The following KCNH8 variants were observed in gnomAD, a reference collection of about 807,000 sequenced individuals.
The protein encoded by KCNH8 is potassium voltage-gated channel subfamily H member 8, also known as voltage-gated delayed rectifier potassium channel KCNH8.
A neutral mutation model predicts 103.6 loss-of-function variants in KCNH8; 70 were observed. The ratio of observed to expected loss-of-function variants is 0.68; its 90% CI spans 0.56 to 0.82. KCNH8 has a LOEUF of 0.82. Among genes scored for constraint, KCNH8 ranks in the 40% least tolerant of loss-of-function variants. KCNH8 has a pLI of 0.00. For synonymous variants in KCNH8, 498 were observed against 489.4 expected (o/e 1.02, Z -0.23); for missense variants, 1,217 against 1,329.9 (o/e 0.92, Z 1.32).
At chr3:19,266,326 A>T (rs1447031916) in intron 2 of KCNH8, among the ~76,000 whole-genome samples, 1 of 152,014 alleles carries the variant, frequency 6.6e-6, no homozygotes. Context: ...TTTGTTTTTT[A>T]AAAAATCTTC....
intron 11 of KCNH8, among the ~76,000 whole-genome samples, chr3:19,504,736 A>G (rs1449629611): frequency 6.6e-6 from 1 of 152,178 alleles, no homozygotes; most frequent in East Asian, 1.9e-4. Flanking sequence ...GGGAGTGTAA[A>G]TTAGTTCAAC....
chr3:19,421,342 T>G (rs980973337), intron 7 of KCNH8, among the ~76,000 whole-genome samples: 39 of 152,216 alleles, frequency 2.6e-4, no homozygotes, highest in African/African-American at 8.7e-4. Flanking sequence ...TTTAAGATGT[T>G]TTTGTCTTCA....
intron 1 of KCNH8, among the ~76,000 whole-genome samples, chr3:19,155,379 C>G (rs1047861106): frequency 6.6e-6 from 1 of 152,146 alleles, no homozygotes; most frequent in African/African-American, 2.4e-5. Context: ...TTTTTCTTAT[C>G]TCTACAATTG....
intron 14 of KCNH8, among the ~76,000 whole-genome samples, chr3:19,517,203 G>A (rs767405668): frequency 1.3e-5 from 2 of 151,994 alleles, no homozygotes; most frequent in African/African-American, 4.8e-5. Context: ...CTCTAAAAGA[G>A]GGCTGGCCTA....
At chr3:19,464,060 C>T (rs1181271277) in intron 11 of KCNH8, among the ~76,000 whole-genome samples, 1 of 152,060 alleles carries the variant, frequency 6.6e-6, no homozygotes, top group Non-Finnish European at 1.5e-5. Context: ...ACTTTCTGTA[C>T]ATTGAAATAC....
At position 19,272,515 on chromosome 3, in the gene KCNH8, C is replaced by G. The variant is rs554198193; in HGVS notation, c.311-8683C>G. Reference sequence around the variant, plus strand: ...CAGGGTTGCTAAGACAGGTCTGTTCCTAGGAAATGAGGAACTGCTTAGAAC... The same window carrying G: ...CAGGGTTGCTAAGACAGGTCTGTTCGTAGGAAATGAGGAACTGCTTAGAAC... On this transcript the variant is annotated intron_variant, in intron 2 of 15. Coordinates refer to ENST00000328405, the MANE Select transcript of KCNH8 (RefSeq NM_144633.3). Among the ~76,000 whole-genome samples, 22 of 152,154 alleles carry G rather than the reference C, an allele frequency of 1.4e-4. No homozygotes were observed. In the South Asian group the frequency reaches 4.3e-3, roughly 30 times the overall value.
intron 8 of KCNH8, among the ~76,000 whole-genome samples, chr3:19,439,871 G>A (rs189784034): frequency 3.6e-4 from 54 of 151,806 alleles, no homozygotes; most frequent in African/African-American, 1.3e-3. Context: ...AATATAATGA[G>A]TCATAAAGGA....
intron 1 of KCNH8, among the ~76,000 whole-genome samples, chr3:19,210,797 G>T (rs2063763789): frequency 6.6e-6 from 1 of 152,130 alleles, no homozygotes; most frequent in African/African-American, 2.4e-5. Flanking sequence ...GGATGATGGT[G>T]AGAATACAAA....
chr3:19,304,542 A>AT (rs1196774152), intron 3 of KCNH8, among the ~76,000 whole-genome samples: 3 of 152,140 alleles, frequency 2.0e-5, no homozygotes, highest in Non-Finnish European at 4.4e-5. Flanking sequence ...GAACTATAAA[A>AT]TTTTTAAAAA....
Position 19,485,751 on chromosome 3 carries a change from A to G in KCNH8, c.2041-24612A>G, listed in dbSNP as rs567306779. On this transcript the variant is annotated intron_variant, in intron 11 of 15. Coordinates refer to ENST00000328405, the MANE Select transcript of KCNH8 (RefSeq NM_144633.3). ...ATGCTGCTTTTCGAGCTTCTGAATT[A>G]GCTCGAGAGTTTCCTAGGGCCACTG... is the stretch of plus-strand genomic sequence containing the variant. Among the ~76,000 whole-genome samples the G allele has an allele frequency of 3.9e-5, 6 of 152,288 alleles. No homozygotes were observed. In the South Asian group the frequency reaches 1.2e-3, roughly 32 times the overall value.
chr3:19,316,220 G>A (rs2065271891), intron 3 of KCNH8, among the ~76,000 whole-genome samples: 1 of 151,854 alleles, frequency 6.6e-6, no homozygotes, highest in African/African-American at 2.4e-5. Flanking sequence ...ATAGTTATTT[G>A]TTGTGGGGGA....
intron 3 of KCNH8, 134 bp from the exon 4 acceptor site, chr3:19,342,453 C>A: frequency 2.9e-6 from 2 of 681,590 alleles, no homozygotes; most frequent in Non-Finnish European, 4.4e-6. Context: ...AATTAAATGT[C>A]ATTAGGATCC....
At position 19,517,983 on chromosome 3, in the gene KCNH8, T is replaced by C. The variant is rs753612976; in HGVS notation, c.2543-15T>C. 12 of 1,606,490 alleles carry C rather than the reference T, an allele frequency of 7.5e-6. No individual in the cohort carries two copies. The East Asian group carries it at 2.7e-4, about 36-fold the overall frequency. ...ATTCCTAAAGGACTCATTCTGTATG[T>C]GTGTCACTTTTCAGATCCAGAGATT... On this transcript the variant is annotated splice_polypyrimidine_tract_variant and intron_variant, in intron 14 of 15. Transcript: ENST00000328405.
chr3:19,527,974 T>G (rs936584298), intron 15 of KCNH8, among the ~76,000 whole-genome samples: 1 of 151,950 alleles, frequency 6.6e-6, no homozygotes, highest in Non-Finnish European at 1.5e-5. Context: ...CTGGAAGAGA[T>G]AGAGAAATCT....
At chr3:19,414,836 G>A (rs2066838407) in intron 7 of KCNH8, among the ~76,000 whole-genome samples, 1 of 151,946 alleles carries the variant, frequency 6.6e-6, no homozygotes. Context: ...AAAAGCTTGA[G>A]ATTTCCTGGA....
chr3:19,161,482 TG>T (rs1022781381), intron 1 of KCNH8, among the ~76,000 whole-genome samples: 1 of 152,240 alleles, frequency 6.6e-6, no homozygotes, highest in African/African-American at 2.4e-5. Context: ...GTGATTAATG[TG>T]TTGTTATTAG....
chr3:19,504,426 T>A (rs540478342), intron 11 of KCNH8, among the ~76,000 whole-genome samples: 123 of 152,084 alleles, frequency 8.1e-4, no homozygotes, highest in Non-Finnish European at 1.6e-3. Flanking sequence ...TTTGCAAACC[T>A]TGCATCTAAC....
rs1575042016 is a variant in KCNH8, at chr3:19,417,592, A to G, written c.1178-20572A>G. 2.6e-5 allele frequency among the ~76,000 whole-genome samples: 4 copies of G among 152,230 alleles called. No individual in the cohort carries two copies. The East Asian group carries it at 7.7e-4, about 29-fold the overall frequency. ...ACCTCAAATCTTCAATCCTTCAAACAGAATTTTTCGGTTACCAGGAATATA... is the reference window on the plus strand; with the variant it reads ...ACCTCAAATCTTCAATCCTTCAAACGGAATTTTTCGGTTACCAGGAATATA... On this transcript the variant is annotated intron_variant, in intron 7 of 15. Coordinates refer to ENST00000328405, the MANE Select transcript of KCNH8 (RefSeq NM_144633.3).
intron 2 of KCNH8, among the ~76,000 whole-genome samples, chr3:19,264,218 CAAAG>C (rs2064475966): frequency 1.3e-5 from 2 of 152,052 alleles, no homozygotes; most frequent in Non-Finnish European, 2.9e-5. Context: ...AAGACAACTT[CAAAG>C]TCATGGTAGC....
Sources: gnomAD v4.1 joint callset for allele counts (sites outside exome capture counted in the v4.1 genomes callset) on GRCh38, gnomAD v4.1.1 for gene constraint, MANE v1.5 for transcripts, NCBI Gene and HGNC (gene_info 2026-07-23, HGNC 2026-07-21) for gene names.